Variants in TMEM154 observed in about 807,000 individuals in gnomAD.
The protein encoded by TMEM154 is transmembrane protein 154.
TMEM154 carries 27 observed loss-of-function variants against 24.5 expected under a neutral mutation model. The ratio of observed to expected loss-of-function variants is 1.10; its 90% CI spans 0.81 to 1.52. The LOEUF is 1.52. Ranked by LOEUF, TMEM154 falls within the 40% of genes most tolerant of loss-of-function variation. TMEM154 has a pLI of 0.00. For synonymous variants in TMEM154, 67 were observed against 76.8 expected, an observed-to-expected ratio of 0.87 and a Z score of 0.67; for missense variants, 228 against 213.4, an observed-to-expected ratio of 1.07 and a Z score of -0.43.
At chr4:152,645,934 TACACACACAC>T (rs10545647) in intron 3 of TMEM154, among the ~76,000 whole-genome samples, 266 of 140,554 alleles carry the variant, frequency 1.9e-3, no homozygotes, top group Middle Eastern at 3.6e-3. Context: ...GAAAGGAGAA[TACACACACAC>T]ACACACACAC....
chr4:152,660,172 C>T (rs1436955398), intron 1 of TMEM154, among the ~76,000 whole-genome samples: 3 of 152,170 alleles, frequency 2.0e-5, no homozygotes, highest in Non-Finnish European at 2.9e-5. Flanking sequence ...AGAAAACCTC[C>T]TCATTAAAAT....
intron 2 of TMEM154, 35 bp downstream of exon 2, chr4:152,652,631 CA>C (rs1554012395): frequency 6.2e-7 from 1 of 1,613,304 alleles, no homozygotes; most frequent in Non-Finnish European, 8.5e-7. Flanking sequence ...ACACATGAAG[CA>C]ATTTTCTGGA....
intron 3 of TMEM154, among the ~76,000 whole-genome samples, chr4:152,652,251 T>C (rs899185558): frequency 6.7e-6 from 1 of 148,384 alleles, no homozygotes; most frequent in African/African-American, 2.5e-5. Flanking sequence ...GAGGCAATGG[T>C]TGCCATAAAA....
At chr4:152,637,035 A>C (rs1248244163) in intron 6 of TMEM154, among the ~76,000 whole-genome samples, 1 of 152,174 alleles carries the variant, frequency 6.6e-6, no homozygotes, top group Admixed American at 6.6e-5. Flanking sequence ...AGGTTGATTG[A>C]TTGTGATAAA....
chr4:152,654,031 C>T (rs1728442597), intron 1 of TMEM154, among the ~76,000 whole-genome samples: 1 of 140,220 alleles, frequency 7.1e-6, no homozygotes, highest in African/African-American at 2.6e-5. Context: ...AAGAGCGACA[C>T]TCCATCTCAA....
chr4:152,659,314 G>A (rs1037775626), intron 1 of TMEM154, among the ~76,000 whole-genome samples: 4 of 152,102 alleles, frequency 2.6e-5, no homozygotes, highest in Non-Finnish European at 5.9e-5. Flanking sequence ...TAAAAAAGTT[G>A]ATCTTACAAA....
intron 3 of TMEM154, among the ~76,000 whole-genome samples, chr4:152,650,158 C>T (rs1379492013): frequency 6.6e-6 from 1 of 152,148 alleles, no homozygotes; most frequent in Non-Finnish European, 1.5e-5. Context: ...TGAAATGTGT[C>T]ACATTGATTG....
Position 152,619,004 on chromosome 4 carries a change from A to G in TMEM154, c.*9542T>C, listed in dbSNP as rs1334866759. 2 of 152,224 alleles carry G rather than the reference A, an allele frequency of 1.3e-5. No homozygotes were observed. The highest frequency in any genetic ancestry group is 3.8e-4 in the East Asian group (2 of 5,204). 9.4% of individuals were successfully genotyped at this position (152,224 alleles called of 1,614,324 possible). A position where few individuals can be genotyped will look rare whatever the true frequency, so the allele number is the denominator to read the frequency against. On this transcript the variant is annotated 3_prime_UTR_variant, in exon 7 of 7. Transcript: ENST00000304385. ...TAAGGAAAGATGATATGTAACTCCT[A>G]GCTCATTAAATAATTGGTTTTTCTG...
chr4:152,621,306 G>A lies in TMEM154; in HGVS notation c.*7240C>T, dbSNP rs1484431764. On this transcript the variant is annotated 3_prime_UTR_variant, in exon 7 of 7. Transcript: ENST00000304385. The stretch of plus-strand genomic sequence containing the variant: ...AAAGAAGCCCTGTACTAATGAAGGT[G>A]GGGAAGAGTTAGAAGGAACTTGTGT... 1.3e-5 allele frequency: 2 copies of A among 152,236 alleles called. No homozygotes were observed. The highest frequency in any genetic ancestry group is 2.9e-5 in the Non-Finnish European group (2 of 68,044). 9.4% of individuals were successfully genotyped at this position (152,236 alleles called of 1,614,324 possible).
chr4:152,654,679 TG>T (rs1435684750), intron 1 of TMEM154, among the ~76,000 whole-genome samples: 1 of 152,202 alleles, frequency 6.6e-6, no homozygotes, highest in Non-Finnish European at 1.5e-5. Flanking sequence ...TCTCTTTCCT[TG>T]CCATATGTGG....
rs938522386 is a variant in TMEM154, at chr4:152,622,926, T to A, written c.*5620A>T. The stretch of plus-strand genomic sequence containing the variant: ...ATCTTGGCTCACTGCAACTGCCGCC[T>A]CCTGGGTTCAAGTGATTCTTGGGCC... On this transcript the variant is annotated 3_prime_UTR_variant, in exon 7 of 7. Coordinates refer to ENST00000304385, the MANE Select transcript of TMEM154 (RefSeq NM_152680.3). 1 of 152,238 alleles carries A rather than the reference T, an allele frequency of 6.6e-6. No individual in the cohort carries two copies. The highest frequency in any genetic ancestry group is 1.5e-5 in the Non-Finnish European group (1 of 68,072). 9.4% of individuals were successfully genotyped at this position (152,238 alleles called of 1,614,324 possible).
At position 152,679,926 on chromosome 4, in the gene TMEM154, G is replaced by T; in HGVS notation, c.8C>A (p.Ala3Asp). 6.2e-7 allele frequency: 1 copy of T among 1,609,992 alleles called. No individual in the cohort carries two copies. The highest frequency in any genetic ancestry group is 8.5e-7 in the Non-Finnish European group (1 of 1,178,706). Reference sequence around the variant, plus strand: ...GGCGAAGACTAGGGCTGCGCGGGGAGCCTGCATGTCCGCTCGCCTCGGCAG... The same window carrying T: ...GGCGAAGACTAGGGCTGCGCGGGGATCCTGCATGTCCGCTCGCCTCGGCAG... MQ[A>D]PRAALVFALV... Residue 3 changes from alanine to aspartate, a missense_variant, in exon 1 of 7, where the codon GCT (alanine) becomes GAT (aspartate). By Grantham distance (126) the Ala-to-Asp change is moderately radical. Transcript: ENST00000304385.
chr4:152,671,372 A>C (rs1199283359), intron 1 of TMEM154, among the ~76,000 whole-genome samples: 2 of 152,174 alleles, frequency 1.3e-5, no homozygotes, highest in Admixed American at 6.5e-5. Context: ...TTCCATTTTT[A>C]TTGCAGAACC....
intron 1 of TMEM154, among the ~76,000 whole-genome samples, chr4:152,667,921 T>C (rs889450756): frequency 2.0e-5 from 3 of 152,268 alleles, no homozygotes; most frequent in Non-Finnish European, 2.9e-5. Context: ...CCTCCTTGAA[T>C]TGAGAAGCAC....
At chr4:152,637,677 T>C (rs1398622814) in intron 6 of TMEM154, among the ~76,000 whole-genome samples, 1 of 152,140 alleles carries the variant, frequency 6.6e-6, no homozygotes, top group Non-Finnish European at 1.5e-5. Context: ...CTCAGAGAGC[T>C]AAAGTGACTT....
At chr4:152,674,506 G>C (rs115729135) in intron 1 of TMEM154, among the ~76,000 whole-genome samples, 4 of 152,034 alleles carry the variant, frequency 2.6e-5, no homozygotes. Flanking sequence ...TACTTCTGGC[G>C]CCTGGCTTGC....
At chr4:152,634,219 T>C (rs1416938498) in intron 6 of TMEM154, among the ~76,000 whole-genome samples, 8 of 152,144 alleles carry the variant, frequency 5.3e-5, no homozygotes, top group African/African-American at 1.9e-4. Flanking sequence ...ATACCTTGTT[T>C]CATAATTGCC....
rs916417212 is a variant in TMEM154 at position 152,619,596 on chromosome 4, T to C, written c.*8950A>G. 2 of 152,220 alleles carry C rather than the reference T, an allele frequency of 1.3e-5. No individual in the cohort carries two copies. The highest frequency in any genetic ancestry group is 4.8e-5 in the African/African-American group (2 of 41,446). The allele number at this position is 152,220 out of a possible 1,614,324, so 9.4% of individuals were successfully genotyped here. A position where few individuals can be genotyped will look rare whatever the true frequency, so the allele number is the denominator to read the frequency against. ...CTGAGTCTAAATTATAAAAATACTA[T>C]GCATTTCTACTTTGCTCTCTTGGGA... On this transcript the variant is annotated 3_prime_UTR_variant, in exon 7 of 7. Transcript: ENST00000304385.
At position 152,619,790 on chromosome 4, in the gene TMEM154, A is replaced by G. The variant is rs1385637824; in HGVS notation, c.*8756T>C. 1 of 152,254 alleles carries G rather than the reference A, an allele frequency of 6.6e-6. No homozygotes were observed. The highest frequency in any genetic ancestry group is 1.5e-5 in the Non-Finnish European group (1 of 68,062). The allele number at this position is 152,254 out of a possible 1,614,324, so 9.4% of individuals were successfully genotyped here. A position where few individuals can be genotyped will look rare whatever the true frequency, so the allele number is the denominator to read the frequency against. ...TGAGTCATCTGAAAGTGGGACCCCC[A>G]GATCCAGTTGAACTGCCCAGCCAAT... On this transcript the variant is annotated 3_prime_UTR_variant, in exon 7 of 7. Transcript: ENST00000304385.
Sources: gnomAD v4.1 joint callset for allele counts (sites outside exome capture counted in the v4.1 genomes callset) on GRCh38, gnomAD v4.1.1 for gene constraint, MANE v1.5 for transcripts, NCBI Gene and HGNC (gene_info 2026-07-23, HGNC 2026-07-21) for gene names.